The following AMBRA1 variants were observed in gnomAD, a reference collection of about 807,000 sequenced individuals.
The protein encoded by AMBRA1 is activating molecule in BECN1-regulated autophagy protein 1.
Under a neutral mutation model 125.4 loss-of-function variants are expected in AMBRA1, and 47 were observed. The observed-to-expected ratio is 0.37, with a 90% CI of 0.30 to 0.48. The LOEUF (loss-of-function observed/expected upper bound fraction) is 0.48. Among genes scored for constraint, AMBRA1 ranks in the 20% least tolerant of loss-of-function variants. The pLI, the probability that AMBRA1 is intolerant of heterozygous loss-of-function variation, is 0.99. For synonymous variants in AMBRA1, 626 were observed against 655.5 expected, an observed-to-expected ratio of 0.95 and a Z score of 0.69; for missense variants, 1,331 against 1,693.4, an observed-to-expected ratio of 0.79 and a Z score of 3.76.
At chr11:46,500,926 C>T (rs566363000) in intron 9 of AMBRA1, among the ~76,000 whole-genome samples, 2 of 152,288 alleles carry the variant, frequency 1.3e-5, no homozygotes, top group African/African-American at 2.4e-5. Flanking sequence ...AAACTTGATG[C>T]TATTCCATAA....
chr11:46,589,046 T>A (rs2044501233), intron 1 of AMBRA1, among the ~76,000 whole-genome samples: 1 of 152,170 alleles, frequency 6.6e-6, no homozygotes, highest in Non-Finnish European at 1.5e-5. Context: ...AAATGCTCAA[T>A]AAAGGACATT....
intron 14 of AMBRA1, among the ~76,000 whole-genome samples, chr11:46,432,531 T>A (rs1947503347): frequency 6.6e-6 from 1 of 152,174 alleles, no homozygotes; most frequent in South Asian, 2.1e-4. Context: ...TCTCTAGTTT[T>A]TTTATTTAAA....
chr11:46,576,998 C>T (rs2043981583), intron 1 of AMBRA1, among the ~76,000 whole-genome samples: 1 of 152,170 alleles, frequency 6.6e-6, no homozygotes, highest in Admixed American at 6.5e-5. Flanking sequence ...CCAATCTAAG[C>T]CCAGCCAACA....
intron 9 of AMBRA1, among the ~76,000 whole-genome samples, chr11:46,507,250 C>T (rs1157873214): frequency 1.3e-5 from 2 of 149,158 alleles, no homozygotes; most frequent in African/African-American, 5.0e-5. Flanking sequence ...GAGGCCAAGG[C>T]GGGCAGATCA....
rs183345152 is a variant in AMBRA1, at chr11:46,487,329, A to G, written c.2521+6279T>C. Among the ~76,000 whole-genome samples the G allele has an allele frequency of 5.1e-3, 774 of 152,190 alleles. 6 individuals carry two copies. The highest frequency in any genetic ancestry group is 7.6e-3 in the Non-Finnish European group (516 of 68,030). ...CAAAAATAAAGTTAACAATAATAAC[A>G]AGTAAATTGTTGTTAACCAAAAATA... On this transcript the variant is annotated intron_variant, in intron 11 of 17. Transcript: ENST00000683756.
chr11:46,487,156 G>A (rs898353611), intron 11 of AMBRA1, among the ~76,000 whole-genome samples: 1 of 151,904 alleles, frequency 6.6e-6, no homozygotes, highest in Non-Finnish European at 1.5e-5. Flanking sequence ...TACTCAGGAG[G>A]CTGAGGTAGG....
chr11:46,577,741 G>A (rs1020054629), intron 1 of AMBRA1, among the ~76,000 whole-genome samples: 3 of 151,438 alleles, frequency 2.0e-5, no homozygotes, highest in East Asian at 1.9e-4. Flanking sequence ...ACCTGAGGTC[G>A]GGAGTTTGAG....
intron 12 of AMBRA1, among the ~76,000 whole-genome samples, chr11:46,436,683 C>T (rs1947736761): frequency 6.6e-6 from 1 of 152,150 alleles, no homozygotes; most frequent in Admixed American, 6.5e-5. Context: ...CGGCAATATC[C>T]CTCTCCTTTT....
intron 9 of AMBRA1, among the ~76,000 whole-genome samples, chr11:46,507,023 A>T (rs905267270): frequency 2.6e-4 from 38 of 149,018 alleles, no homozygotes; most frequent in Admixed American, 2.1e-3. Context: ...AAAAAAAAAA[A>T]AAAATTAGCC....
chr11:46,564,621 T>C (rs1565302480), intron 1 of AMBRA1, among the ~76,000 whole-genome samples: 1 of 151,930 alleles, frequency 6.6e-6, no homozygotes, highest in African/African-American at 2.4e-5. Context: ...AAGTCATAAT[T>C]AGAAAGAGCT....
At position 46,552,884 on chromosome 11, in the gene AMBRA1, CTATT is replaced by C. The variant is rs1332896290; in HGVS notation, c.-120-4388_-120-4385del. ...TTTAATAATTTTAATAGGCAAGTTT[CTATT>C]TTTTTTTCACTTTTTAATTTTAAAA... On this transcript the variant is annotated intron_variant, in intron 1 of 17. Transcript: ENST00000683756. 2.6e-3 allele frequency among the ~76,000 whole-genome samples: 398 copies of C among 151,966 alleles called. 19 individuals are homozygous for C. The highest frequency in any genetic ancestry group is 0.026 in the Admixed American group (397 of 15,268).
chr11:46,425,509 G>A (rs1445626544), intron 14 of AMBRA1, among the ~76,000 whole-genome samples: 1 of 152,096 alleles, frequency 6.6e-6, no homozygotes, highest in Non-Finnish European at 1.5e-5. Flanking sequence ...CTCAGTGCTG[G>A]AACTAGAACC....
chr11:46,454,278 C>G (rs757097545), intron 11 of AMBRA1, among the ~76,000 whole-genome samples: 2 of 151,962 alleles, frequency 1.3e-5, no homozygotes, highest in African/African-American at 4.8e-5. Flanking sequence ...ATCCTCCTAC[C>G]TTGGCCTCTC....
At chr11:46,510,519 G>A (rs1255350109) in intron 8 of AMBRA1, among the ~76,000 whole-genome samples, 4 of 152,180 alleles carry the variant, frequency 2.6e-5, no homozygotes, top group African/African-American at 9.7e-5. Flanking sequence ...ATTCTGAAAA[G>A]TGATAAGTAC....
At chr11:46,545,180 GT>G (rs1952957316) in intron 5 of AMBRA1, among the ~76,000 whole-genome samples, 21 of 133,300 alleles carry the variant, frequency 1.6e-4, no homozygotes, top group African/African-American at 5.0e-4. Context: ...GGGGGTGGTG[GT>G]GGGCATGGTG....
chr11:46,424,716 T>A (rs1947028456), intron 14 of AMBRA1, among the ~76,000 whole-genome samples: 1 of 152,134 alleles, frequency 6.6e-6, no homozygotes, highest in Non-Finnish European at 1.5e-5. Context: ...GGCACATACC[T>A]CTAATCCTAG....
intron 1 of AMBRA1, among the ~76,000 whole-genome samples, chr11:46,563,974 G>A (rs546304196): frequency 6.6e-6 from 1 of 151,138 alleles, no homozygotes; most frequent in Non-Finnish European, 1.5e-5. Context: ...GAGAAACCCC[G>A]TCTCTACTAA....
intron 1 of AMBRA1, among the ~76,000 whole-genome samples, chr11:46,555,849 T>C (rs1018858570): frequency 4.6e-5 from 7 of 152,194 alleles, no homozygotes; most frequent in Non-Finnish European, 8.8e-5. Flanking sequence ...CAGAAACCTA[T>C]AGACCTGCAA....
intron 7 of AMBRA1, among the ~76,000 whole-genome samples, chr11:46,538,387 T>C (rs759613495): frequency 8.5e-5 from 13 of 152,256 alleles, no homozygotes; most frequent in Non-Finnish European, 1.2e-4. Context: ...ACTTCATTTT[T>C]ATAATACACA....
Sources: gnomAD v4.1 joint callset for allele counts (sites outside exome capture counted in the v4.1 genomes callset) on GRCh38, gnomAD v4.1.1 for gene constraint, MANE v1.5 for transcripts, NCBI Gene and HGNC (gene_info 2026-07-23, HGNC 2026-07-21) for gene names.